PCDHA8: variants seen among roughly 807,000 people sequenced by gnomAD.
The protein encoded by PCDHA8 is protocadherin alpha 8, also known as protocadherin alpha-8.
Under a neutral mutation model 61.8 loss-of-function variants are expected in PCDHA8, and 53 were observed. That is an observed-to-expected ratio of 0.86 (90% confidence interval 0.69 to 1.08). PCDHA8 has a LOEUF of 1.08. Ranked by LOEUF, PCDHA8 falls within the 50% of genes least tolerant of loss-of-function variation. PCDHA8 has a pLI of 0.00. For missense variants in PCDHA8, 1,293 were observed against 1,245.0 expected, an observed-to-expected ratio of 1.04 and a Z score of -0.58; for synonymous variants, 618 against 556.6, an observed-to-expected ratio of 1.11 and a Z score of -1.55.
intron 1 of PCDHA8, chr5:140,852,618 T>C: frequency 1.1e-6 from 1 of 941,450 alleles, no homozygotes; most frequent in Non-Finnish European, 1.3e-6. Flanking sequence ...AAAACTTGAG[T>C]GGTCTCTGAG....
At chr5:140,861,658 G>C (rs913348410) in intron 1 of PCDHA8, 1 of 269,114 alleles carries the variant, frequency 3.7e-6, no homozygotes, top group Non-Finnish European at 7.4e-6. Flanking sequence ...TTTCTGAAAC[G>C]AGAGCTCTTG....
At chr5:140,859,558 A>G (rs1554152480) in intron 1 of PCDHA8, 1 of 177,480 alleles carries the variant, frequency 5.6e-6, no homozygotes, top group African/African-American at 2.4e-5. Flanking sequence ...CCAAACACCA[A>G]TGCCATGAAT....
chr5:140,870,179 G>A, intron 1 of PCDHA8: 1 of 1,614,104 alleles, frequency 6.2e-7, no homozygotes, highest in South Asian at 1.1e-5. Context: ...CTCCCAGTAC[G>A]AGAGGACGCT....
chr5:140,892,180 T>G (rs1176959692), intron 1 of PCDHA8, among the ~76,000 whole-genome samples: 1 of 152,224 alleles, frequency 6.6e-6, no homozygotes, highest in Non-Finnish European at 1.5e-5. Flanking sequence ...GGGATCCTCA[T>G]GGGTCTATTC....
intron 1 of PCDHA8, among the ~76,000 whole-genome samples, chr5:140,931,344 A>G (rs1233861770): frequency 6.6e-6 from 1 of 151,910 alleles, no homozygotes; most frequent in East Asian, 1.9e-4. Flanking sequence ...GGAGTGAGGA[A>G]TTTTTTTTAG....
Position 140,850,049 on chromosome 5 carries a change from C to T in PCDHA8, c.2394+6334C>T, listed in dbSNP as rs1354549642. 22 of 1,596,350 alleles carry T rather than the reference C, an allele frequency of 1.4e-5. 2 individuals carry two copies. Among genetic ancestry groups the T allele is most frequent in the Non-Finnish European group, 1.9e-5 (22 of 1,167,808 alleles). Reference sequence around the variant, plus strand: ...TGCACGCGGAGAGCGGCAAGGTGTACGCGCTGCAGCCGTTGGACCACGAGG... The same window carrying T: ...TGCACGCGGAGAGCGGCAAGGTGTATGCGCTGCAGCCGTTGGACCACGAGG... On this transcript the variant is annotated intron_variant, in intron 1 of 3. Coordinates refer to ENST00000531613, the MANE Select transcript of PCDHA8 (RefSeq NM_018911.3).
chr5:140,948,464 G>A (rs1357759863), intron 1 of PCDHA8, among the ~76,000 whole-genome samples: 1 of 151,508 alleles, frequency 6.6e-6, no homozygotes, highest in Non-Finnish European at 1.5e-5. Flanking sequence ...TTTAGGGAAA[G>A]TTTCTGATAA....
intron 3 of PCDHA8, among the ~76,000 whole-genome samples, chr5:140,995,267 C>A (rs552857413): frequency 6.6e-6 from 1 of 152,074 alleles, no homozygotes; most frequent in Admixed American, 6.5e-5. Context: ...GAATACAAGC[C>A]CTTTGATACC....
intron 1 of PCDHA8, among the ~76,000 whole-genome samples, chr5:140,903,429 G>A (rs782504374): frequency 1.3e-5 from 2 of 152,180 alleles, no homozygotes; most frequent in Non-Finnish European, 2.9e-5. Context: ...AGCACAATAT[G>A]TATCAGTGGA....
chr5:140,893,135 T>C (rs1405005785), intron 1 of PCDHA8, among the ~76,000 whole-genome samples: 1 of 152,252 alleles, frequency 6.6e-6, no homozygotes, highest in Non-Finnish European at 1.5e-5. Flanking sequence ...ATTTTCTTTA[T>C]CCACTCATCT....
chr5:140,870,579 G>T (rs1388213173), intron 1 of PCDHA8: 4 of 1,613,744 alleles, frequency 2.5e-6, no homozygotes, highest in Admixed American at 1.7e-5. Context: ...TGTCCTACTC[G>T]CTGGTGGAGC....
At chr5:140,967,869 C>A in intron 1 of PCDHA8, 1 of 1,614,160 alleles carries the variant, frequency 6.2e-7, no homozygotes, top group South Asian at 1.1e-5. Flanking sequence ...GTGGTGCTCA[C>A]GGACCTGTAT....
At chr5:140,927,118 G>A in intron 1 of PCDHA8, 2 of 1,613,946 alleles carry the variant, frequency 1.2e-6, no homozygotes, top group Non-Finnish European at 1.7e-6. Context: ...CGGCAATTTG[G>A]TGGTCAGAGA....
intron 1 of PCDHA8, chr5:140,966,778 G>A: frequency 6.6e-7 from 1 of 1,512,496 alleles, no homozygotes; most frequent in Non-Finnish European, 8.8e-7. Flanking sequence ...TGGAGCAGGC[G>A]GGCACCAGAC....
At chr5:140,958,946 ATAT>A (rs34256413) in intron 1 of PCDHA8, among the ~76,000 whole-genome samples, 85,222 of 151,486 alleles carry the variant, frequency 0.56, 24,557 homozygotes, top group African/African-American at 0.69. Flanking sequence ...TAATAATATT[ATAT>A]TATTATAATT....
At chr5:140,886,101 A>G (rs1554182351) in intron 1 of PCDHA8, among the ~76,000 whole-genome samples, 1 of 152,228 alleles carries the variant, frequency 6.6e-6, no homozygotes, top group Admixed American at 6.5e-5. Context: ...ACATTGATAC[A>G]GTAAAGAAGT....
chr5:140,871,146 T>G (rs372974792), intron 1 of PCDHA8: 2 of 1,613,386 alleles, frequency 1.2e-6, no homozygotes, highest in African/African-American at 2.7e-5. Flanking sequence ...CTTCCCGGAC[T>G]TTGGCGGGCG....
intron 1 of PCDHA8, chr5:140,866,169 T>C (rs914189373): frequency 2.0e-5 from 3 of 152,132 alleles, no homozygotes; most frequent in African/African-American, 4.8e-5. Context: ...TCGTTTAACA[T>C]GTAAGAAAAG....
chr5:141,010,381 T>C lies in PCDHA8; in HGVS notation c.*444T>C. On this transcript the variant is annotated 3_prime_UTR_variant, in exon 4 of 4. Transcript: ENST00000531613. ...ACCGCGGGTATGCGAGTGCCAGATA[T>C]TGGCTGAGACGAGCCAGCTTAGACT... 2.8e-6 allele frequency: 4 copies of C among 1,442,848 alleles called. No homozygotes were observed. The highest frequency in any genetic ancestry group is 2.8e-6 in the Non-Finnish European group (3 of 1,086,990). The allele number at this position is 1,442,848 out of a possible 1,614,324, so 89.4% of individuals were successfully genotyped here.
Sources: allele counts gnomAD v4.1 joint callset (sites outside exome capture counted in the v4.1 genomes callset), GRCh38; gene constraint gnomAD v4.1.1; transcripts MANE v1.5; gene names NCBI Gene and HGNC (gene_info 2026-07-23, HGNC 2026-07-21).